The following NETO2 variants were observed in gnomAD, a reference collection of about 807,000 sequenced individuals.
NETO2 encodes neuropilin and tolloid-like protein 2.
Under a neutral mutation model 62.5 loss-of-function variants are expected in NETO2, and 28 were observed. The ratio of observed to expected loss-of-function variants is 0.45; its 90% CI spans 0.33 to 0.61. The LOEUF (loss-of-function observed/expected upper bound fraction) is 0.61, where lower values mean the gene tolerates loss of function less well. Ranked by LOEUF, NETO2 falls within the 20% of genes least tolerant of loss-of-function variation. The pLI, the probability that NETO2 is intolerant of heterozygous loss-of-function variation, is 0.02. For missense variants in NETO2, 548 were observed against 643.2 expected (o/e 0.85, Z 1.60); for synonymous variants, 214 against 219.1 (o/e 0.98, Z 0.21).
At chr16:47,139,105 G>T (rs1467286007) in intron 1 of NETO2, among the ~76,000 whole-genome samples, 1 of 152,140 alleles carries the variant, frequency 6.6e-6, no homozygotes. Flanking sequence ...AGAAAGAAGG[G>T]CCTTGTCTGT....
At chr16:47,126,818 T>C (rs1206034970) in intron 4 of NETO2, among the ~76,000 whole-genome samples, 1 of 152,224 alleles carries the variant, frequency 6.6e-6, no homozygotes, top group African/African-American at 2.4e-5. Context: ...AAATATCCTT[T>C]TGGTATTGTG....
At position 47,116,291 on chromosome 16, in the gene NETO2, G is replaced by A. The variant is rs1346556728; in HGVS notation, c.654+6366C>T. Among the ~76,000 whole-genome samples, 6 of 151,968 alleles carry A rather than the reference G, an allele frequency of 3.9e-5. No homozygotes were observed. In the East Asian group the frequency reaches 1.2e-3, roughly 29 times the overall value. On this transcript the variant is annotated intron_variant, in intron 6 of 8. Coordinates refer to ENST00000562435, the MANE Select transcript of NETO2 (RefSeq NM_018092.5). ...GCATGCCATTGTGCCTGGTTTAGCTGGTAGGTTTTTGTAGATACCCTTCTT... is the reference window on the plus strand; with the variant it reads ...GCATGCCATTGTGCCTGGTTTAGCTAGTAGGTTTTTGTAGATACCCTTCTT...
intron 6 of NETO2, among the ~76,000 whole-genome samples, chr16:47,113,652 T>G (rs1163072629): frequency 6.8e-6 from 1 of 147,532 alleles, no homozygotes; most frequent in African/African-American, 2.5e-5. Context: ...AGTGCAGTAG[T>G]GCAATCTTGG....
intron 6 of NETO2, among the ~76,000 whole-genome samples, chr16:47,118,361 G>T (rs981209625): frequency 6.6e-6 from 1 of 152,198 alleles, no homozygotes; most frequent in Non-Finnish European, 1.5e-5. Flanking sequence ...ACCTCAGAAA[G>T]AAAGCCTGCA....
chr16:47,133,675 C>CATG (rs1964315530), intron 1 of NETO2, among the ~76,000 whole-genome samples: 1 of 150,274 alleles, frequency 6.7e-6, no homozygotes, highest in African/African-American at 2.5e-5. Flanking sequence ...AACATGGAGG[C>CATG]ATGAGCTCTA....
intron 7 of NETO2, among the ~76,000 whole-genome samples, chr16:47,108,144 A>G (rs1963712873): frequency 6.6e-6 from 1 of 152,140 alleles, no homozygotes; most frequent in African/African-American, 2.4e-5. Flanking sequence ...ATACTGATGT[A>G]ATTATTAATA....
intron 3 of NETO2, 30 bp downstream of exon 3, chr16:47,129,194 T>C: frequency 6.2e-7 from 1 of 1,604,496 alleles, no homozygotes; most frequent in South Asian, 1.1e-5. Context: ...AAAGTAAAAA[T>C]TCATCCAATA....
At chr16:47,116,368 A>C (rs2143935517) in intron 6 of NETO2, among the ~76,000 whole-genome samples, 1 of 152,254 alleles carries the variant, frequency 6.6e-6, no homozygotes, top group East Asian at 1.9e-4. Flanking sequence ...TTTATCATGA[A>C]TGGGTGATGA....
chr16:47,106,685 G>T (rs1034324653), intron 7 of NETO2, among the ~76,000 whole-genome samples: 2 of 151,966 alleles, frequency 1.3e-5, no homozygotes, highest in Non-Finnish European at 2.9e-5. Flanking sequence ...ACCATAAGTA[G>T]AAGATAAAAT....
At chr16:47,111,465 A>T (rs1193906186) in intron 6 of NETO2, among the ~76,000 whole-genome samples, 1 of 152,242 alleles carries the variant, frequency 6.6e-6, no homozygotes, top group East Asian at 1.9e-4. Flanking sequence ...TTAGTTCAAC[A>T]AATTTTTGGG....
chr16:47,119,473 G>C (rs1963994561), intron 6 of NETO2, among the ~76,000 whole-genome samples: 1 of 151,608 alleles, frequency 6.6e-6, no homozygotes, highest in South Asian at 2.1e-4. Context: ...TTTTTTTCTA[G>C]ATCAATCTTG....
At chr16:47,113,934 T>G (rs1963855193) in intron 6 of NETO2, among the ~76,000 whole-genome samples, 1 of 152,148 alleles carries the variant, frequency 6.6e-6, no homozygotes, top group Admixed American at 6.5e-5. Context: ...CATTTCTAGT[T>G]TTTGGTTATT....
At chr16:47,134,291 T>C (rs1567400826) in intron 1 of NETO2, among the ~76,000 whole-genome samples, 1 of 152,232 alleles carries the variant, frequency 6.6e-6, no homozygotes, top group Non-Finnish European at 1.5e-5. Flanking sequence ...CTGACCTCTG[T>C]GTCTCCTCTG....
In NETO2 at chr16:47,088,933, C is replaced by T. The variant is rs551312437; in HGVS notation, c.884-2594G>A. ...ACATAATCTGACAAATGTAGGTCCA[C>T]GGTGAATATCCAAAATTGCTTTGCT... On this transcript the variant is annotated intron_variant, in intron 7 of 8. Transcript: ENST00000562435. 7.2e-5 allele frequency among the ~76,000 whole-genome samples: 11 copies of T among 152,268 alleles called. No homozygotes were observed. In the East Asian group the frequency reaches 1.4e-3, roughly 19 times the overall value.
intron 1 of NETO2, among the ~76,000 whole-genome samples, chr16:47,140,725 T>A (rs570764708): frequency 9.9e-5 from 15 of 152,226 alleles, no homozygotes; most frequent in Non-Finnish European, 2.2e-4. Flanking sequence ...AGTACCACAC[T>A]TATTTCTGTA....
chr16:47,110,390 T>G (rs1963769397), intron 6 of NETO2, among the ~76,000 whole-genome samples: 1 of 152,224 alleles, frequency 6.6e-6, no homozygotes, highest in Non-Finnish European at 1.5e-5. Context: ...TCCTAAACAC[T>G]CTTGACCCAT....
rs1963593361 is a variant in NETO2 at position 47,103,170 on chromosome 16, C to T, written c.883+6313G>A. 2.0e-5 allele frequency among the ~76,000 whole-genome samples: 3 copies of T among 152,146 alleles called. No individual in the cohort carries two copies. In the South Asian group the frequency reaches 6.2e-4, roughly 32 times the overall value. ...ATGGATGAAGCTGGAAATCATCATT[C>T]TCAGCAAACTAACATAGGAAAAGAA... On this transcript the variant is annotated intron_variant, in intron 7 of 8. Transcript: ENST00000562435.
chr16:47,119,559 G>GT (rs557768457), intron 6 of NETO2, among the ~76,000 whole-genome samples: 55 of 144,518 alleles, frequency 3.8e-4, no homozygotes, highest in Admixed American at 4.8e-4. Context: ...TTGTATCTTC[G>GT]TTTTTTTTTT....
At chr16:47,108,153 T>C (rs1963713049) in intron 7 of NETO2, among the ~76,000 whole-genome samples, 1 of 152,106 alleles carries the variant, frequency 6.6e-6, no homozygotes, top group African/African-American at 2.4e-5. Context: ...TAATTATTAA[T>C]AACTGAATAA....
Sources: allele counts gnomAD v4.1 joint callset (sites outside exome capture counted in the v4.1 genomes callset), GRCh38; gene constraint gnomAD v4.1.1; transcripts MANE v1.5; gene names NCBI Gene and HGNC (gene_info 2026-07-23, HGNC 2026-07-21).